The following RBFOX1 variants were observed in gnomAD, a reference collection of about 807,000 sequenced individuals.
The protein encoded by RBFOX1 is RNA binding fox-1 homolog 1.
RBFOX1 carries 8 observed loss-of-function variants against 57.7 expected under a neutral mutation model. The observed-to-expected ratio is 0.14, with a 90% CI of 0.08 to 0.25. RBFOX1 has a LOEUF of 0.25. Among genes scored for constraint, RBFOX1 ranks in the 10% least tolerant of loss-of-function variants. The probability of loss-of-function intolerance (pLI) is 1.00; values close to 1 mark genes in which losing one functional copy is unlikely to be tolerated. For synonymous variants in RBFOX1, 326 were observed against 222.4 expected (o/e 1.47, Z -4.15); for missense variants, 611 against 548.5 (o/e 1.11, Z -1.14).
intron 4 of RBFOX1, among the ~76,000 whole-genome samples, chr16:7,094,763 T>TGTGTGTGTGTGG (rs2061414579): frequency 1.4e-5 from 2 of 138,832 alleles, no homozygotes; most frequent in African/African-American, 2.6e-5. Context: ...TGTGTGTGTG[T>TGTGTGTGTGTGG]GTGTGTGTGT....
chr16:6,464,315 C>A (rs1014900513), intron 2 of RBFOX1, among the ~76,000 whole-genome samples: 1 of 152,072 alleles, frequency 6.6e-6, no homozygotes, highest in East Asian at 1.9e-4. Context: ...TGAAGAGCTG[C>A]TTTTACGAAA....
intron 2 of RBFOX1, among the ~76,000 whole-genome samples, chr16:5,555,146 C>G (rs1302189006): frequency 6.6e-6 from 1 of 152,204 alleles, no homozygotes; most frequent in African/African-American, 2.4e-5. Context: ...TTGCCTGCAT[C>G]TAGCTACCCT....
In RBFOX1 at chr16:5,450,138, G is replaced by C. The variant is rs188540948; in HGVS notation, c.220-17078G>C. On this transcript the variant is annotated intron_variant, in intron 1 of 2. Coordinates refer to the RBFOX1 transcript ENST00000585867. ...AAGAAAGGGTTGGGCAGGAGAGGTG[G>C]CATGCCCAAAGTCTCTCTCACAGGC... Among the ~76,000 whole-genome samples the C allele has an allele frequency of 2.4e-3, 370 of 152,270 alleles. 2 individuals are homozygous for C. The highest frequency in any genetic ancestry group is 8.6e-3 in the African/African-American group (357 of 41,552).
At chr16:5,816,104 C>T (rs963438936) in intron 3 of RBFOX1, among the ~76,000 whole-genome samples, 20 of 152,244 alleles carry the variant, frequency 1.3e-4, no homozygotes, top group Non-Finnish European at 2.1e-4. Flanking sequence ...TCTGGGATGA[C>T]GGGTAGCATT....
rs144857414 is a variant in RBFOX1 at position 7,488,867 on chromosome 16, C to G, written c.28-29280C>G. Among the ~76,000 whole-genome samples, 1,047 of 152,198 alleles carry G rather than the reference C, an allele frequency of 6.9e-3. 8 individuals carry two copies. The highest frequency in any genetic ancestry group is 7.6e-3 in the Non-Finnish European group (516 of 68,006). On this transcript the variant is annotated intron_variant, in intron 4 of 15. Coordinates refer to ENST00000550418, the MANE Select transcript of RBFOX1 (RefSeq NM_018723.4). The stretch of plus-strand genomic sequence containing the variant: ...CCATTATCTATCTATACATTCATCC[C>G]CTACTTATCTACTGTCATTTTATCA...
chr16:6,801,740 T>C (rs1247152446), intron 3 of RBFOX1, among the ~76,000 whole-genome samples: 1 of 152,136 alleles, frequency 6.6e-6, no homozygotes, highest in Non-Finnish European at 1.5e-5. Flanking sequence ...TTTTTATTTC[T>C]GTAACCAGTT....
At chr16:5,444,400 A>G (rs1490254245) in intron 1 of RBFOX1, among the ~76,000 whole-genome samples, 6 of 152,256 alleles carry the variant, frequency 3.9e-5, no homozygotes, top group Admixed American at 2.0e-4. Context: ...ATGTGCTAAT[A>G]GCAAGAATGA....
chr16:6,903,777 C>A (rs1026084857), intron 3 of RBFOX1, among the ~76,000 whole-genome samples: 2 of 152,096 alleles, frequency 1.3e-5, no homozygotes, highest in African/African-American at 4.8e-5. Flanking sequence ...GAGGGCCTTT[C>A]GGAGCTGCCG....
rs564265163 is a variant in RBFOX1, at chr16:6,958,097, G to C, written c.-15-93960G>C. On this transcript the variant is annotated intron_variant, in intron 3 of 15. Transcript: ENST00000550418. ...TCATGGATGTTAAAGGCAGCGGCTT[G>C]TGAGCTGCAGAAATGGGTGACCGGA... 9.7e-3 allele frequency among the ~76,000 whole-genome samples: 1,473 copies of C among 151,500 alleles called. 33 individuals are homozygous for C. The highest frequency in any genetic ancestry group is 0.034 in the African/African-American group (1,395 of 41,168).
chr16:6,390,346 G>A (rs924890727), intron 2 of RBFOX1, among the ~76,000 whole-genome samples: 2 of 152,076 alleles, frequency 1.3e-5, no homozygotes, highest in Non-Finnish European at 2.9e-5. Context: ...GTGGAGCTGT[G>A]GTGATAATAC....
At chr16:7,513,195 G>A (rs947858000) in intron 4 of RBFOX1, among the ~76,000 whole-genome samples, 5 of 152,052 alleles carry the variant, frequency 3.3e-5, no homozygotes, top group South Asian at 2.1e-4. Flanking sequence ...CCTCGGAGGC[G>A]GAGGTTGCAG....
chr16:7,006,030 C>A (rs561994180), intron 3 of RBFOX1, among the ~76,000 whole-genome samples: 2 of 152,170 alleles, frequency 1.3e-5, no homozygotes, highest in Non-Finnish European at 2.9e-5. Flanking sequence ...TGAGATACTC[C>A]GTGGTTCCTC....
At chr16:7,147,597 A>C (rs1226052253) in intron 4 of RBFOX1, among the ~76,000 whole-genome samples, 6 of 152,104 alleles carry the variant, frequency 3.9e-5, no homozygotes, top group Admixed American at 2.6e-4. Context: ...GCATTAATTC[A>C]CTTAGATTAA....
At chr16:6,984,851 G>T (rs2089872933) in intron 3 of RBFOX1, among the ~76,000 whole-genome samples, 1 of 152,038 alleles carries the variant, frequency 6.6e-6, no homozygotes, top group South Asian at 2.1e-4. Flanking sequence ...ATATTGGTCA[G>T]GCTGGTCTTG....
intron 1 of RBFOX1, among the ~76,000 whole-genome samples, chr16:5,323,363 C>T (rs1049424826): frequency 2.6e-5 from 4 of 152,136 alleles, no homozygotes; most frequent in Admixed American, 1.3e-4. Context: ...GATGACCCAA[C>T]GAATTGATTT....
At chr16:5,481,728 T>G (rs2069549925) in intron 2 of RBFOX1, among the ~76,000 whole-genome samples, 1 of 152,178 alleles carries the variant, frequency 6.6e-6, no homozygotes, top group Non-Finnish European at 1.5e-5. Context: ...AGAACTGCAT[T>G]CTGCCATCAT....
chr16:6,878,174 T>A (rs1024515415), intron 3 of RBFOX1, among the ~76,000 whole-genome samples: 4 of 152,106 alleles, frequency 2.6e-5, no homozygotes, highest in Non-Finnish European at 5.9e-5. Context: ...TACTTCCACT[T>A]CCCCAAGCAA....
intron 2 of RBFOX1, among the ~76,000 whole-genome samples, chr16:6,548,007 T>G (rs1432093709): frequency 1.3e-5 from 2 of 152,178 alleles, no homozygotes; most frequent in Non-Finnish European, 2.9e-5. Flanking sequence ...ATCATAGCCC[T>G]TATTATCTAT....
At chr16:7,296,965 C>T (rs1009293864) in intron 4 of RBFOX1, among the ~76,000 whole-genome samples, 1 of 152,160 alleles carries the variant, frequency 6.6e-6, no homozygotes, top group Non-Finnish European at 1.5e-5. Flanking sequence ...TGCAGACATC[C>T]TGCTTAGTGG....
Sources: gnomAD v4.1 joint callset for allele counts (sites outside exome capture counted in the v4.1 genomes callset) on GRCh38, gnomAD v4.1.1 for gene constraint, MANE v1.5 for transcripts, NCBI Gene and HGNC (gene_info 2026-07-23, HGNC 2026-07-21) for gene names.